ZNF567: variants seen among roughly 807,000 people sequenced by gnomAD.
ZNF567 encodes the protein zinc finger protein 567.
A neutral mutation model predicts 53.9 loss-of-function variants in ZNF567; 36 were observed. The ratio of observed to expected loss-of-function variants is 0.67; its 90% CI spans 0.51 to 0.88. The LOEUF (loss-of-function observed/expected upper bound fraction) is 0.88. ZNF567 is among the 40% of genes least tolerant of loss of function. ZNF567 has a pLI of 0.00. For synonymous variants in ZNF567, 224 were observed against 260.4 expected (o/e 0.86, Z 1.35); for missense variants, 619 against 764.7 (o/e 0.81, Z 2.25).
intron 3 of ZNF567, 191 bp from the exon 4 acceptor site, chr19:36,712,195 C>T (rs1005809571): frequency 8.3e-6 from 4 of 480,104 alleles, no homozygotes; most frequent in African/African-American, 4.0e-5. Flanking sequence ...TACAGGCGCA[C>T]ACCACTATGC....
chr19:36,679,667 C>G, the ZNF567 span, among the ~76,000 whole-genome samples: 12 of 152,138 alleles, frequency 7.9e-5, no homozygotes, highest in African/African-American at 2.9e-4. Context: ...GAAATTCTGT[C>G]ATTTGCAACA....
At chr19:36,686,232 C>T (rs1194579916), upstream of ZNF567, among the ~76,000 whole-genome samples, 1 of 152,156 alleles carries the variant, frequency 6.6e-6, no homozygotes, top group Non-Finnish European at 1.5e-5. Flanking sequence ...GAAAATACAA[C>T]AAAACTTCCT....
the ZNF567 span, among the ~76,000 whole-genome samples, chr19:36,676,008 C>G: frequency 6.8e-6 from 1 of 146,400 alleles, no homozygotes; most frequent in African/African-American, 2.5e-5. Context: ...ACTGTAGCCA[C>G]TGTCAGCATG....
Position 36,720,213 on chromosome 19 carries a change from C to G in ZNF567, c.1489C>G (p.Arg497Gly). The part of the protein sequence containing the change: ...RMKSYLIDHH[R>G]THTGEKPYEC... ...GAAGTCATACCTCATTGATCATCAC[C>G]GAACTCACACAGGAGAGAAACCATA... Residue 497 changes from arginine to glycine, a missense_variant, in exon 6 of 6, where the codon CGA becomes GGA. Physicochemically the swap from Arg to Gly is moderately radical, Grantham distance 125. Coordinates refer to ENST00000682579, the MANE Select transcript of ZNF567 (RefSeq NM_001322917.1). The G allele has an allele frequency of 6.2e-7, 1 of 1,604,986 alleles. No individual in the cohort carries two copies. The highest frequency in any genetic ancestry group is 8.5e-7 in the Non-Finnish European group (1 of 1,176,276).
chr19:36,696,855 G>A (rs1186737483), intron 3 of ZNF567, among the ~76,000 whole-genome samples: 1 of 152,096 alleles, frequency 6.6e-6, no homozygotes, highest in Non-Finnish European at 1.5e-5. Flanking sequence ...CCATTTTTTA[G>A]CGTATAATTC....
intron 3 of ZNF567, among the ~76,000 whole-genome samples, chr19:36,696,190 C>T (rs1181497439): frequency 6.6e-6 from 1 of 152,138 alleles, no homozygotes; most frequent in Non-Finnish European, 1.5e-5. Flanking sequence ...AGTGTAACTC[C>T]TAAAATATTC....
chr19:36,705,297 C>A (rs1393237634), intron 3 of ZNF567, among the ~76,000 whole-genome samples: 1 of 152,068 alleles, frequency 6.6e-6, no homozygotes, highest in Non-Finnish European at 1.5e-5. Flanking sequence ...TGAGTTAAGA[C>A]ATTTCTTTTT....
chr19:36,700,807 T>G (rs1206636132), intron 3 of ZNF567, among the ~76,000 whole-genome samples: 1 of 152,058 alleles, frequency 6.6e-6, no homozygotes, highest in Non-Finnish European at 1.5e-5. Context: ...TTTGATTCTT[T>G]TCTCTTTTTT....
At chr19:36,697,618 T>C (rs919936067) in intron 3 of ZNF567, among the ~76,000 whole-genome samples, 2 of 151,788 alleles carry the variant, frequency 1.3e-5, no homozygotes, top group African/African-American at 4.8e-5. Context: ...TTTTTTCTTT[T>C]TTTTTTTTTC....
chr19:36,667,558 G>T, the ZNF567 span, among the ~76,000 whole-genome samples: 2 of 151,674 alleles, frequency 1.3e-5, no homozygotes, highest in Non-Finnish European at 2.9e-5. Context: ...TTTATTTAGA[G>T]ACAGAGTCTT....
intron 2 of ZNF567, 71 bp from the exon 3 acceptor site, chr19:36,694,731 A>G (rs2038789383): frequency 5.4e-6 from 4 of 734,070 alleles, no homozygotes; most frequent in Non-Finnish European, 8.6e-6. Context: ...GGCAATTTTA[A>G]TAGAATTATA....
At chr19:36,703,976 AACCCGGT>A (rs1185556476) in intron 3 of ZNF567, among the ~76,000 whole-genome samples, 3 of 152,198 alleles carry the variant, frequency 2.0e-5, no homozygotes, top group Non-Finnish European at 4.4e-5. Flanking sequence ...TAGTGAGATG[AACCCGGT>A]ACCTCAGATG....
chr19:36,727,051 TTTTATTTATTTA>T (rs60874148), downstream of ZNF567: 1 of 120,866 alleles, frequency 8.3e-6, no homozygotes, highest in Admixed American at 9.0e-5. Flanking sequence ...AGTAGATCAA[TTTTATTTATTTA>T]TTTATTTATT....
the ZNF567 span, chr19:36,668,683 A>C: frequency 6.6e-6 from 1 of 152,226 alleles, no homozygotes; most frequent in East Asian, 1.9e-4. Flanking sequence ...GGCACATGTT[A>C]TCTGCCAGAA....
At chr19:36,699,684 G>A (rs1043781782) in intron 3 of ZNF567, among the ~76,000 whole-genome samples, 3 of 152,200 alleles carry the variant, frequency 2.0e-5, no homozygotes, top group Non-Finnish European at 2.9e-5. Context: ...CTTTGAAGCA[G>A]TTGTGAATGG....
intron 3 of ZNF567, among the ~76,000 whole-genome samples, chr19:36,702,619 C>T (rs1198575870): frequency 3.9e-5 from 6 of 152,060 alleles, no homozygotes; most frequent in African/African-American, 4.8e-5. Context: ...AGGCTTTGTT[C>T]GTTTCTTTTT....
At chr19:36,706,517 C>CT (rs756776371) in intron 3 of ZNF567, among the ~76,000 whole-genome samples, 2 of 151,996 alleles carry the variant, frequency 1.3e-5, no homozygotes, top group Non-Finnish European at 2.9e-5. Context: ...TGGTCTTGAG[C>CT]TTTTGGGTTC....
chr19:36,726,087 A>G (rs2040334217), downstream of ZNF567, among the ~76,000 whole-genome samples: 1 of 151,038 alleles, frequency 6.6e-6, no homozygotes, highest in Admixed American at 6.6e-5. Flanking sequence ...CCTCCATTTG[A>G]GTTTATTTTA....
chr19:36,724,855 TAAA>T (rs879898922), downstream of ZNF567, among the ~76,000 whole-genome samples: 1 of 140,648 alleles, frequency 7.1e-6, no homozygotes, highest in Non-Finnish European at 1.6e-5. Flanking sequence ...CTCAAAAAAT[TAAA>T]AAAAAAAAAA....
Sources: gnomAD v4.1 joint callset for allele counts (sites outside exome capture counted in the v4.1 genomes callset) on GRCh38, gnomAD v4.1.1 for gene constraint, MANE v1.5 for transcripts, NCBI Gene and HGNC (gene_info 2026-07-23, HGNC 2026-07-21) for gene names.